HK1: variants seen among roughly 807,000 people sequenced by gnomAD.
HK1 encodes hexokinase 1.
In HK1, 28 loss-of-function variants were observed where a neutral mutation model predicts 91.6. That is an observed-to-expected ratio of 0.31 (90% CI 0.23 to 0.42). The LOEUF (loss-of-function observed/expected upper bound fraction) is 0.42, where lower values mean the gene tolerates loss of function less well. Among genes scored for constraint, HK1 ranks in the 10% least tolerant of loss-of-function variants. The pLI is 1.00. For missense variants in HK1, 770 were observed against 1,219.8 expected (o/e 0.63, Z 5.49); for synonymous variants, 430 against 468.1 (o/e 0.92, Z 1.05).
At chr10:69,358,708 A>G (rs1564538724) in intron 2 of HK1, among the ~76,000 whole-genome samples, 1 of 152,148 alleles carries the variant, frequency 6.6e-6, no homozygotes, top group Non-Finnish European at 1.5e-5. Flanking sequence ...CTAAAAATAA[A>G]AAAAATTAGC....
In HK1 at chr10:69,367,291, G is replaced by A. The variant is rs187575951; in HGVS notation, c.496-1245G>A. On this transcript the variant is annotated intron_variant, in intron 4 of 17. Transcript: ENST00000359426. ...CAGACCCTCAATTTCCCATCCAGAG[G>A]CCTGTGCATGTTACCCCTTAGGGCT... 2.6e-5 allele frequency among the ~76,000 whole-genome samples: 4 copies of A among 152,310 alleles called. No homozygotes were observed. In the East Asian group the frequency reaches 7.7e-4, roughly 29 times the overall value.
chr10:69,389,229 C>A lies in HK1; in HGVS notation c.1968C>A (p.Asn656Lys). 1 of 1,614,044 alleles carries A rather than the reference C, an allele frequency of 6.2e-7. No individual in the cohort carries two copies. ...EFDLDVVAVV[N>K]DTVGTMMTCA... ...ACCTGGACGTGGTGGCTGTGGTCAA[C>A]GACACAGTGGGCACCATGATGACCT... Residue 656 changes from asparagine to lysine, a missense_variant, in exon 14 of 18, where the codon AAC becomes AAA. By Grantham distance (94) the Asn-to-Lys change is moderately conservative (BLOSUM62 0). This residue lies in a region of HK1 where 152 missense variants were observed against 211.1 expected (regional missense o/e 0.72). Transcript: ENST00000359426.
chr10:69,328,918 T>G (rs1306740704), intron 1 of HK1, among the ~76,000 whole-genome samples: 3 of 152,230 alleles, frequency 2.0e-5, no homozygotes, highest in Non-Finnish European at 4.4e-5. Flanking sequence ...TGAGGCTTTT[T>G]GTGTCTAGCC....
At chr10:69,341,224 G>A (rs1307927399) in intron 1 of HK1, among the ~76,000 whole-genome samples, 2 of 151,476 alleles carry the variant, frequency 1.3e-5, no homozygotes, top group Non-Finnish European at 2.9e-5. Context: ...TACAGTGGCA[G>A]GATCATAGCA....
chr10:69,384,237 G>T, intron 10 of HK1, 96 bp from the exon 11 acceptor site: 1 of 1,430,364 alleles, frequency 7.0e-7, no homozygotes, highest in Non-Finnish European at 9.9e-7. Flanking sequence ...TGTTTGCTAT[G>T]GGGTTCTCCC....
chr10:69,342,434 A>G (rs964149088), intron 1 of HK1, among the ~76,000 whole-genome samples: 2 of 152,186 alleles, frequency 1.3e-5, no homozygotes, highest in African/African-American at 4.8e-5. Flanking sequence ...GTTGATTTGA[A>G]CCTTGAAGGT....
chr10:69,314,031 T>C (rs114014661), upstream of HK1, among the ~76,000 whole-genome samples: 1,065 of 152,230 alleles, frequency 7.0e-3, 14 homozygotes, highest in African/African-American at 0.024. Flanking sequence ...GGCCAGTGTC[T>C]CCTCAGCAGC....
At chr10:69,355,248 T>G (rs780978630) in intron 2 of HK1, among the ~76,000 whole-genome samples, 5 of 152,096 alleles carry the variant, frequency 3.3e-5, no homozygotes, top group Non-Finnish European at 7.4e-5. Context: ...GCTTATAGCT[T>G]GGTAGAATCA....
intron 5 of HK1, among the ~76,000 whole-genome samples, chr10:69,307,445 G>T (rs192421758): frequency 6.6e-6 from 1 of 152,110 alleles, no homozygotes; most frequent in African/African-American, 2.4e-5. Flanking sequence ...CAGTCTCCTC[G>T]GTGCAGGTTC....
At chr10:69,372,453 C>T (rs979783361) in intron 7 of HK1, among the ~76,000 whole-genome samples, 15 of 152,188 alleles carry the variant, frequency 9.9e-5, no homozygotes, top group Admixed American at 6.5e-4. Flanking sequence ...TTCCCTATGT[C>T]GTTTTTCCAT....
At chr10:69,277,218 A>G (rs891438219) in intron 1 of HK1, among the ~76,000 whole-genome samples, 8 of 152,152 alleles carry the variant, frequency 5.3e-5, no homozygotes, top group African/African-American at 1.9e-4. Flanking sequence ...GTCTAATGCC[A>G]ATCTGGTTCT....
chr10:69,293,786 T>C (rs1401896237), intron 3 of HK1, among the ~76,000 whole-genome samples: 5 of 151,386 alleles, frequency 3.3e-5, no homozygotes, highest in Admixed American at 3.3e-4. Flanking sequence ...CTCATTCACA[T>C]AGTGGTGGTT....
intron 15 of HK1, 21 bp downstream of exon 15, chr10:69,392,329 G>A (rs771179399): frequency 1.2e-6 from 2 of 1,613,860 alleles, no homozygotes; most frequent in Non-Finnish European, 8.5e-7. Context: ...CTGGTGGAGA[G>A]GACACTCACA....
At chr10:69,272,053 G>A (rs537131033) in intron 1 of HK1, among the ~76,000 whole-genome samples, 21 of 152,116 alleles carry the variant, frequency 1.4e-4, no homozygotes, top group Admixed American at 1.2e-3. Context: ...TGGTAGAGAC[G>A]GGGTTTTGCC....
intron 7 of HK1, among the ~76,000 whole-genome samples, chr10:69,375,599 C>T (rs1839054675): frequency 6.6e-6 from 1 of 152,198 alleles, no homozygotes; most frequent in African/African-American, 2.4e-5. Context: ...GTGCTCAGGT[C>T]TCGGCAGCAT....
At chr10:69,350,723 A>T (rs1216152464) in intron 2 of HK1, among the ~76,000 whole-genome samples, 1 of 152,100 alleles carries the variant, frequency 6.6e-6, no homozygotes, top group Non-Finnish European at 1.5e-5. Flanking sequence ...TAAAACAGCA[A>T]ATTAATTAAG....
intron 5 of HK1, among the ~76,000 whole-genome samples, chr10:69,304,666 G>A (rs974815593): frequency 3.3e-5 from 5 of 152,140 alleles, no homozygotes; most frequent in Admixed American, 6.6e-5. Context: ...GCCTATGACC[G>A]GGAATGAACA....
At chr10:69,362,796 A>G (rs918587782) in intron 3 of HK1, among the ~76,000 whole-genome samples, 1 of 152,194 alleles carries the variant, frequency 6.6e-6, no homozygotes, top group Non-Finnish European at 1.5e-5. Context: ...CCAACTTAGT[A>G]ATGAGTTTAT....
chr10:69,386,315 T>C lies in HK1; in HGVS notation c.1840-8T>C. ...CACAGGACTCTCCTGGTGCTTTTTA[T>C]GTTGTAGGGAATCTTGATCACGTGG... On this transcript the variant is annotated splice_region_variant and splice_polypyrimidine_tract_variant and intron_variant, in intron 12 of 17. Coordinates refer to ENST00000359426, the MANE Select transcript of HK1 (RefSeq NM_000188.3). 6.2e-7 allele frequency: 1 copy of C among 1,612,132 alleles called. No homozygotes were observed. Among genetic ancestry groups the C allele is most frequent in the Non-Finnish European group, 8.5e-7 (1 of 1,178,176 alleles).
Sources: allele counts gnomAD v4.1 joint callset (sites outside exome capture counted in the v4.1 genomes callset), GRCh38; gene constraint gnomAD v4.1.1; regional missense constraint gnomAD v4.1.1; transcripts MANE v1.5; gene names NCBI Gene and HGNC (gene_info 2026-07-23, HGNC 2026-07-21).